PAPPA: variants seen among roughly 807,000 people sequenced by gnomAD.
The protein encoded by PAPPA is pappalysin-1.
In PAPPA, 60 loss-of-function variants were observed where a neutral mutation model predicts 164.0. The observed-to-expected ratio is 0.37, with a 90% CI of 0.30 to 0.45. PAPPA has a LOEUF of 0.45. Ranked by LOEUF, PAPPA falls within the 20% of genes least tolerant of loss-of-function variation. The pLI is 1.00. For synonymous variants in PAPPA, 875 were observed against 814.1 expected (o/e 1.07, Z -1.27); for missense variants, 1,782 against 2,087.3 (o/e 0.85, Z 2.85).
At chr9:116,190,715 C>T (rs1450755508) in intron 2 of PAPPA, among the ~76,000 whole-genome samples, 5 of 152,242 alleles carry the variant, frequency 3.3e-5, no homozygotes, top group Admixed American at 6.5e-5. Flanking sequence ...AGGTTCCAGA[C>T]ACCTCACAAT....
At chr9:116,220,984 A>AT (rs11419647) in intron 5 of PAPPA, among the ~76,000 whole-genome samples, 80,594 of 151,008 alleles carry the variant, frequency 0.53, 22,051 homozygotes, top group East Asian at 0.81. Context: ...TAAAGGTAGC[A>AT]TTTTATAAGA....
At chr9:116,217,704 A>G (rs1400858461) in intron 4 of PAPPA, among the ~76,000 whole-genome samples, 4 of 152,104 alleles carry the variant, frequency 2.6e-5, no homozygotes, top group Non-Finnish European at 5.9e-5. Context: ...ACTAACATTT[A>G]TCATGGGGCA....
chr9:116,290,144 A>T (rs973227867), intron 9 of PAPPA, among the ~76,000 whole-genome samples: 1 of 152,188 alleles, frequency 6.6e-6, no homozygotes, highest in African/African-American at 2.4e-5. Context: ...TAGGAAAATA[A>T]TGCTGTCATT....
chr9:116,307,725 A>T (rs200701265), intron 10 of PAPPA, among the ~76,000 whole-genome samples: 7 of 150,080 alleles, frequency 4.7e-5, no homozygotes, highest in South Asian at 4.2e-4. Flanking sequence ...GAGGAATGTG[A>T]GAGAGAGAGA....
chr9:116,256,930 G>GTTT (rs34511305), intron 7 of PAPPA, among the ~76,000 whole-genome samples: 23,362 of 148,794 alleles, frequency 0.16, 2,064 homozygotes, highest in Middle Eastern at 0.27. Flanking sequence ...ATTTTTTAAA[G>GTTT]TTTTTTTTTT....
chr9:116,156,698 T>TGGC (rs529743810), intron 1 of PAPPA, among the ~76,000 whole-genome samples: 16 of 152,296 alleles, frequency 1.1e-4, no homozygotes, highest in African/African-American at 3.8e-4. Flanking sequence ...GAGCCAGATT[T>TGGC]GGCGGCGTGT....
intron 1 of PAPPA, among the ~76,000 whole-genome samples, chr9:116,169,090 TTA>T (rs1564172402): frequency 6.6e-6 from 1 of 152,140 alleles, no homozygotes; most frequent in Non-Finnish European, 1.5e-5. Context: ...AGCATAGGCC[TTA>T]GAAAGACCAA....
At chr9:116,307,006 T>C (rs1845655011) in intron 10 of PAPPA, among the ~76,000 whole-genome samples, 4 of 151,882 alleles carry the variant, frequency 2.6e-5, no homozygotes, top group African/African-American at 9.7e-5. Flanking sequence ...TCAAGGGGAG[T>C]AGTTTGAGGG....
chr9:116,401,377 A>C lies in PAPPA; in HGVS notation c.*4761A>C, dbSNP rs1177974895. 1.3e-5 allele frequency: 2 copies of C among 152,546 alleles called. No individual in the cohort carries two copies. The highest frequency in any genetic ancestry group is 3.8e-4 in the East Asian group (2 of 5,196). 9.4% of individuals were successfully genotyped at this position (152,546 alleles called of 1,614,324 possible). On this transcript the variant is annotated 3_prime_UTR_variant, in exon 22 of 22. Coordinates refer to ENST00000328252, the MANE Select transcript of PAPPA (RefSeq NM_002581.5). ...AAATTCCACATCAAGTGTTCCATTA[A>C]AAGAAGATAAGGCATTCTGAGTGCA... is the stretch of plus-strand genomic sequence containing the variant.
At chr9:116,203,334 T>C (rs1244859958) in intron 2 of PAPPA, among the ~76,000 whole-genome samples, 1 of 152,196 alleles carries the variant, frequency 6.6e-6, no homozygotes, top group Non-Finnish European at 1.5e-5. Flanking sequence ...TTTGAAACTA[T>C]GTAATTTGAG....
intron 1 of PAPPA, among the ~76,000 whole-genome samples, chr9:116,157,458 T>A (rs1843617497): frequency 1.3e-5 from 2 of 152,136 alleles, no homozygotes; most frequent in Admixed American, 6.5e-5. Context: ...AGAAAGTGCC[T>A]ATGTGTAGGA....
intron 9 of PAPPA, among the ~76,000 whole-genome samples, chr9:116,284,751 A>G (rs1225960355): frequency 6.6e-6 from 1 of 151,924 alleles, no homozygotes; most frequent in Non-Finnish European, 1.5e-5. Flanking sequence ...AAACATCCAT[A>G]ACTCTTCCCT....
chr9:116,192,256 G>A (rs1397755247), intron 2 of PAPPA, among the ~76,000 whole-genome samples: 1 of 152,172 alleles, frequency 6.6e-6, no homozygotes, highest in Non-Finnish European at 1.5e-5. Context: ...AGCAGAGAAT[G>A]TCCAGAGCCT....
Position 116,187,116 on chromosome 9 carries a change from C to A in PAPPA, c.416-38C>A. On this transcript the variant is annotated intron_variant, in intron 1 of 21. Transcript: ENST00000328252. The surrounding 1 kb of genome is among the most constrained non-coding windows in gnomAD (Gnocchi z 4.2). ...AACTTAACCCCCCCTCCTTTTCCAT[C>A]CTTTATTTATTCATCTTTCTCTTTT... 6.9e-7 allele frequency: 1 copy of A among 1,451,394 alleles called. No individual in the cohort carries two copies. The highest frequency in any genetic ancestry group is 9.6e-7 in the Non-Finnish European group (1 of 1,038,682). The allele number at this position is 1,451,394 out of a possible 1,614,324, so 89.9% of individuals were successfully genotyped here.
chr9:116,270,624 A>G (rs527865479), intron 8 of PAPPA, among the ~76,000 whole-genome samples: 1 of 152,326 alleles, frequency 6.6e-6, no homozygotes, highest in East Asian at 1.9e-4. Flanking sequence ...CTCATCACCT[A>G]AGCCCAATTC....
At chr9:116,381,699 C>T (rs1846733824) in intron 20 of PAPPA, among the ~76,000 whole-genome samples, 2 of 152,234 alleles carry the variant, frequency 1.3e-5, no homozygotes, top group Non-Finnish European at 2.9e-5. Context: ...AAATCACTTA[C>T]TCTGACTGTG....
chr9:116,306,224 T>G (rs1289219945), intron 10 of PAPPA, among the ~76,000 whole-genome samples: 1 of 152,222 alleles, frequency 6.6e-6, no homozygotes, highest in Non-Finnish European at 1.5e-5. Context: ...ACCTAGTCAC[T>G]GTACAAGAGT....
In PAPPA at chr9:116,332,480, C is replaced by G. The variant is rs771270288; in HGVS notation, c.3397+12C>G. On this transcript the variant is annotated intron_variant, in intron 12 of 21. Transcript: ENST00000328252. Reference sequence around the variant, plus strand: ...GAGCCACGATCTAGGTAAGCATGCTCTCTTGGTCTTGGCTTGCTTTCAGTA... The same window carrying G: ...GAGCCACGATCTAGGTAAGCATGCTGTCTTGGTCTTGGCTTGCTTTCAGTA... 7 of 1,604,208 alleles carry G rather than the reference C, an allele frequency of 4.4e-6. No individual in the cohort carries two copies. The highest frequency in any genetic ancestry group is 1.1e-5 in the South Asian group (1 of 90,592).
At chr9:116,192,007 C>A (rs1251485977) in intron 2 of PAPPA, among the ~76,000 whole-genome samples, 2 of 152,086 alleles carry the variant, frequency 1.3e-5, no homozygotes, top group African/African-American at 4.8e-5. Flanking sequence ...GAGGGGATTT[C>A]CTGGCAGCAG....
Sources: gnomAD v4.1 joint callset for allele counts (sites outside exome capture counted in the v4.1 genomes callset) on GRCh38, gnomAD v4.1.1 for gene constraint, Gnocchi (gnomAD v3.1) non-coding constraint, MANE v1.5 for transcripts, NCBI Gene and HGNC (gene_info 2026-07-23, HGNC 2026-07-21) for gene names.